Variants in CELF3 observed in about 807,000 individuals in gnomAD.
The protein encoded by CELF3 is CAG repeat domain.
In CELF3, 26 loss-of-function variants were observed where a neutral mutation model predicts 59.6. The observed-to-expected ratio is 0.44, with a 90% CI of 0.32 to 0.61. The LOEUF (loss-of-function observed/expected upper bound fraction) is 0.61. Ranked by LOEUF, CELF3 falls within the 20% of genes least tolerant of loss-of-function variation. The pLI is 0.06. For synonymous variants in CELF3, 245 were observed against 250.7 expected (o/e 0.98, Z 0.22); for missense variants, 387 against 627.2 (o/e 0.62, Z 4.09).
chr1:151,704,971 G>A lies in CELF3; in HGVS notation c.*10+60C>T, dbSNP rs950681332. ...CAGGGGTTGGGGGTGTAGTCCAATCGAGGGCCCTGGCTGCAGTGTGTGAAG... is the reference window on the plus strand; with the variant it reads ...CAGGGGTTGGGGGTGTAGTCCAATCAAGGGCCCTGGCTGCAGTGTGTGAAG... On this transcript the variant is annotated intron_variant, in intron 12 of 12. Transcript: ENST00000290583. The A allele has an allele frequency of 5.2e-6, 8 of 1,532,086 alleles. No homozygotes were observed. In the Admixed American group the frequency reaches 7.2e-5, roughly 14 times the overall value. The allele number at this position is 1,532,086 out of a possible 1,614,324, so 94.9% of individuals were successfully genotyped here. A position where few individuals can be genotyped will look rare whatever the true frequency, so the allele number is the denominator to read the frequency against.
intron 2 of CELF3, chr1:151,710,360 A>C (rs1191183149): frequency 1.0e-5 from 3 of 285,760 alleles, no homozygotes; most frequent in African/African-American, 6.6e-5. Context: ...GCAACGGGAG[A>C]ATGCGCACCA....
chr1:151,705,232 T>G lies in CELF3; in HGVS notation c.1271-64A>C. ...CTCGCTCTTCCGTGCTTAGGAGACC[T>G]CTGGCACTACCCTGTGTCTCCCAAG... On this transcript the variant is annotated intron_variant, in intron 11 of 12. Transcript: ENST00000290583. This position sits in a 1 kb window ranked among gnomAD's most constrained non-coding sequence, Gnocchi z 5.1. 1.3e-6 allele frequency: 2 copies of G among 1,536,058 alleles called. No homozygotes were observed. The highest frequency in any genetic ancestry group is 1.8e-6 in the Non-Finnish European group (2 of 1,129,468).
chr1:151,711,006 C>G, intron 2 of CELF3: 1 of 366,308 alleles, frequency 2.7e-6, no homozygotes, highest in South Asian at 2.1e-5. Context: ...GTTCCAGTGA[C>G]CAGAAAAATT....
intron 2 of CELF3, chr1:151,713,520 A>G (rs1489365624): frequency 1.3e-5 from 2 of 152,204 alleles, no homozygotes; most frequent in Non-Finnish European, 2.9e-5. Flanking sequence ...ATGGAGATGA[A>G]AACTGTTGAT....
Position 151,707,940 on chromosome 1 carries a change from G to C in CELF3, c.487-5C>G. On this transcript the variant is annotated splice_region_variant and splice_polypyrimidine_tract_variant and intron_variant, in intron 5 of 12. Transcript: ENST00000290583. ...CACCAGGCTGGACGAGGCACCCTGG[G>C]CACGGGCCCACACACAGGTCAGAGG... is the stretch of plus-strand genomic sequence containing the variant. 6.2e-7 allele frequency: 1 copy of C among 1,609,294 alleles called. No homozygotes were observed. The highest frequency in any genetic ancestry group is 8.5e-7 in the Non-Finnish European group (1 of 1,176,820).
rs1369926945 is a variant in CELF3, at chr1:151,709,072, C to T, written c.412G>A (p.Ala138Thr). 3 of 1,613,742 alleles carry T rather than the reference C, an allele frequency of 1.9e-6. No individual in the cohort carries two copies. Among genetic ancestry groups the T allele is most frequent in the South Asian group, 1.1e-5 (1 of 91,036 alleles). Residue 138 changes from alanine to threonine, a missense_variant, in exon 5 of 13, where the codon GCC (alanine) becomes ACC (threonine). Transcript: ENST00000290583. This position sits in a 1 kb window ranked among gnomAD's most constrained non-coding sequence, Gnocchi z 4.9. ...GCGTGGGTCTGGAACTTCACGAAGGCGCAGCCTGGAGAGGTTGAGATGGAG... is the reference window on the plus strand; with the variant it reads ...GCGTGGGTCTGGAACTTCACGAAGGTGCAGCCTGGAGAGGTTGAGATGGAG... ...RGPDGTSKGC[A>T]FVKFQTHAEA... is the part of the protein sequence containing the mutation.
chr1:151,706,635 C>T (rs1475734861), intron 9 of CELF3, 34 bp downstream of exon 9: 2 of 1,548,010 alleles, frequency 1.3e-6, no homozygotes, highest in Admixed American at 3.9e-5. Flanking sequence ...CCACCTCTCC[C>T]ACCTGAGCAG....
chr1:151,704,970 C>G, intron 12 of CELF3, 61 bp downstream of exon 12: 1 of 1,531,228 alleles, frequency 6.5e-7, no homozygotes, highest in Non-Finnish European at 8.9e-7. Context: ...GTAGTCCAAT[C>G]GAGGGCCCTG....
chr1:151,709,652 TC>T lies in CELF3; in HGVS notation c.277+90del. 1.5e-6 allele frequency: 2 copies of T among 1,293,024 alleles called. No individual in the cohort carries two copies. Among genetic ancestry groups the T allele is most frequent in the South Asian group, 2.4e-5 (2 of 84,576 alleles). The allele number at this position is 1,293,024 out of a possible 1,614,324, so 80.1% of individuals were successfully genotyped here. The stretch of plus-strand genomic sequence containing the variant: ...GGAACTCTTCAGAATCATCAGGCTT[TC>T]TCCCTCAAGAAAGGCTACCCCTCGA... On this transcript the variant is annotated intron_variant, in intron 3 of 12. Transcript: ENST00000290583. This position sits in a 1 kb window ranked among gnomAD's most constrained non-coding sequence, Gnocchi z 4.9.
chr1:151,710,473 T>TG (rs954072569), intron 2 of CELF3: 5 of 207,400 alleles, frequency 2.4e-5, no homozygotes, highest in African/African-American at 1.4e-4. Flanking sequence ...AGGAGTGGGG[T>TG]GGGGGGTGGT....
Position 151,706,872 on chromosome 1 carries a change from A to C in CELF3, c.923-138T>G. The C allele has an allele frequency of 6.9e-6, 5 of 723,460 alleles. No individual in the cohort carries two copies. The South Asian group carries it at 9.4e-5, about 14-fold the overall frequency. 44.8% of individuals were successfully genotyped at this position (723,460 alleles called of 1,614,324 possible). A position where few individuals can be genotyped will look rare whatever the true frequency, so the allele number is the denominator to read the frequency against. ...GGCATGGGGTGTGAAGTGAGAAGGCAGAAATGCACAAAGCAGTGGGAAGAG... is the reference window on the plus strand; with the variant it reads ...GGCATGGGGTGTGAAGTGAGAAGGCCGAAATGCACAAAGCAGTGGGAAGAG... On this transcript the variant is annotated intron_variant, in intron 8 of 12. Transcript: ENST00000290583.
rs779183749 is a variant in CELF3 at position 151,703,207 on chromosome 1, C to T, written c.*252G>A. ...CCCCGGAGCCTTCGAGCCTGTTCCT[C>T]GCTCCCTCACAAAGGCCAAAAGGGC... On this transcript the variant is annotated 3_prime_UTR_variant, in exon 13 of 13. Transcript: ENST00000290583. 1.1e-5 allele frequency: 5 copies of T among 458,582 alleles called. No individual in the cohort carries two copies. The highest frequency in any genetic ancestry group is 2.0e-5 in the African/African-American group (1 of 50,128). 28.4% of individuals were successfully genotyped at this position (458,582 alleles called of 1,614,324 possible).
intron 12 of CELF3, among the ~76,000 whole-genome samples, chr1:151,704,013 G>A (rs113089786): frequency 3.3e-4 from 51 of 152,262 alleles, no homozygotes; most frequent in African/African-American, 1.2e-3. Context: ...GACCAAGCAC[G>A]TCCCGCGAGC....
Position 151,705,038 on chromosome 1 carries a change from C to A in CELF3, c.*3G>T, listed in dbSNP as rs1672396057. 1.2e-6 allele frequency: 2 copies of A among 1,610,182 alleles called. No homozygotes were observed. The highest frequency in any genetic ancestry group is 1.7e-5 in the Admixed American group (1 of 59,868). ...CAACGGAGCGGGACCCACCTGGGGG[C>A]CCTCAGTAGGGCCGGTTGGCATCCT... On this transcript the variant is annotated 3_prime_UTR_variant, in exon 12 of 13. Transcript: ENST00000290583. The surrounding 1 kb of genome is among the most constrained non-coding windows in gnomAD (Gnocchi z 5.1).
chr1:151,709,447 G>T lies in CELF3; in HGVS notation c.278-99C>A. On this transcript the variant is annotated intron_variant, in intron 3 of 12. Coordinates refer to ENST00000290583, the MANE Select transcript of CELF3 (RefSeq NM_007185.7). This position sits in a 1 kb window ranked among gnomAD's most constrained non-coding sequence, Gnocchi z 4.9. ...CCCTGGAGCTCCTAACACTACTTCT[G>T]CTACCCTTAGGGTCCAATGGCTGTA... 6.5e-7 allele frequency: 1 copy of T among 1,530,332 alleles called. No individual in the cohort carries two copies. Among genetic ancestry groups the T allele is most frequent in the Non-Finnish European group, 9.0e-7 (1 of 1,116,476 alleles). The allele number at this position is 1,530,332 out of a possible 1,614,324, so 94.8% of individuals were successfully genotyped here.
At position 151,706,246 on chromosome 1, in the gene CELF3, T is replaced by A. The variant is rs907630101; in HGVS notation, c.1104A>T (p.Gln368His). ...CACCTTCTCTTTGCTGCTGCTGCTG[T>A]TGCTGCTGCTGCTGCTGCTGCTGCT... is the stretch of plus-strand genomic sequence containing the variant. ...PQQQQQQQQQ[Q>H]QQQQQREGPD... is the part of the protein sequence containing the mutation. Residue 368 changes from glutamine (Q) to histidine (H), a missense_variant, in exon 10 of 13, where the codon CAA becomes CAT. Gln to His is a conservative substitution (Grantham distance 24). This residue lies in a region of CELF3 where 131 missense variants were observed against 153.7 expected (regional missense o/e 0.85). Coordinates refer to ENST00000290583, the MANE Select transcript of CELF3 (RefSeq NM_007185.7). 1 of 1,526,368 alleles carries A rather than the reference T, an allele frequency of 6.6e-7. No individual in the cohort carries two copies. Among genetic ancestry groups the A allele is most frequent in the African/African-American group, 1.4e-5 (1 of 72,606 alleles). 94.6% of individuals were successfully genotyped at this position (1,526,368 alleles called of 1,614,324 possible). A position where few individuals can be genotyped will look rare whatever the true frequency, so the allele number is the denominator to read the frequency against.
Position 151,716,338 on chromosome 1 carries a change from AGGTGGTAGCCGGG to A in CELF3, c.-331_-319del, listed in dbSNP as rs1284032444. On this transcript the variant is annotated 5_prime_UTR_variant, in exon 1 of 13. Transcript: ENST00000290583. ...GAGTATGGCCAAGACCTGGAGGGTT[AGGTGGTAGCCGGG>A]GGTGCTAGGGCTTAGAGGGCTGGGA... is the stretch of plus-strand genomic sequence containing the variant. 1 of 338,948 alleles carries A rather than the reference AGGTGGTAGCCGGG, an allele frequency of 3.0e-6. No homozygotes were observed. The highest frequency in any genetic ancestry group is 4.3e-5 in the Admixed American group (1 of 23,404). The allele number at this position is 338,948 out of a possible 1,614,324, so 21.0% of individuals were successfully genotyped here. A position where few individuals can be genotyped will look rare whatever the true frequency, so the allele number is the denominator to read the frequency against.
chr1:151,707,980 C>T (rs376323586), intron 5 of CELF3, 45 bp from the exon 6 acceptor site: 1 of 1,567,658 alleles, frequency 6.4e-7, no homozygotes, highest in Non-Finnish European at 8.7e-7. Context: ...GGGTCAGGGT[C>T]TCTCCTCCCC....
intron 12 of CELF3, among the ~76,000 whole-genome samples, chr1:151,704,772 A>G (rs1558096527): frequency 6.6e-6 from 1 of 152,112 alleles, no homozygotes; most frequent in Non-Finnish European, 1.5e-5. Context: ...GTGGACACAT[A>G]TATACAAAGA....
Sources: allele counts gnomAD v4.1 joint callset (sites outside exome capture counted in the v4.1 genomes callset), GRCh38; gene constraint gnomAD v4.1.1; regional missense constraint gnomAD v4.1.1; non-coding constraint Gnocchi (gnomAD v3.1); transcripts MANE v1.5; gene names NCBI Gene and HGNC (gene_info 2026-07-23, HGNC 2026-07-21).